Variants in ASB3 observed in about 807,000 individuals in gnomAD.
ASB3 encodes the protein ankyrin repeat and SOCS box containing 3, also known as ankyrin repeat and SOCS box protein 3.
In ASB3, 41 loss-of-function variants were observed where a neutral mutation model predicts 54.5. The observed-to-expected ratio is 0.75, with a 90% CI of 0.59 to 0.98. The LOEUF is 0.98. ASB3 is among the 50% of genes least tolerant of loss of function. ASB3 has a pLI of 0.00. For missense variants in ASB3, 733 were observed against 620.0 expected, an observed-to-expected ratio of 1.18 and a Z score of -1.94; for synonymous variants, 266 against 221.2, an observed-to-expected ratio of 1.20 and a Z score of -1.80.
chr2:53,689,909 T>C (rs1572848318), intron 9 of ASB3, among the ~76,000 whole-genome samples: 1 of 152,262 alleles, frequency 6.6e-6, no homozygotes, highest in South Asian at 2.1e-4. Context: ...GTAGTATAAC[T>C]TTGAACTCAT....
chr2:53,783,840 C>T, intron 1 of ASB3, among the ~76,000 whole-genome samples: 1 of 152,102 alleles, frequency 6.6e-6, no homozygotes, highest in East Asian at 1.9e-4. Flanking sequence ...AAAAAAATTG[C>T]TTGAAATTAG....
intron 2 of ASB3, among the ~76,000 whole-genome samples, chr2:53,760,244 T>C (rs191611861): frequency 6.1e-4 from 93 of 152,144 alleles, no homozygotes; most frequent in Non-Finnish European, 1.0e-3. Flanking sequence ...TAACTCTCCA[T>C]GCCCATGCAA....
chr2:53,671,594 T>A (rs1265047363), intron 9 of ASB3, among the ~76,000 whole-genome samples: 1 of 152,050 alleles, frequency 6.6e-6, no homozygotes, highest in Non-Finnish European at 1.5e-5. Context: ...ACAACGTCTC[T>A]ACTAAAAATA....
rs938313762 is a variant in ASB3 at position 53,726,987 on chromosome 2, T to A, written c.604+1725A>T. ...ACTGACCCAGGCTAAACACTAATAATTGAAACTTATGGGACTGCAAGTCAT... is the reference window on the plus strand; with the variant it reads ...ACTGACCCAGGCTAAACACTAATAAATGAAACTTATGGGACTGCAAGTCAT... On this transcript the variant is annotated intron_variant, in intron 5 of 9. Coordinates refer to ENST00000263634, the MANE Select transcript of ASB3 (RefSeq NM_016115.5). 7.2e-5 allele frequency among the ~76,000 whole-genome samples: 11 copies of A among 152,200 alleles called. 1 individual carries two copies. The highest frequency in any genetic ancestry group is 2.4e-4 in the African/African-American group (10 of 41,532).
At chr2:53,738,323 G>C (rs1671754249) in intron 3 of ASB3, among the ~76,000 whole-genome samples, 1 of 152,156 alleles carries the variant, frequency 6.6e-6, no homozygotes, top group Non-Finnish European at 1.5e-5. Context: ...AAATAAAACA[G>C]GACTACTGTT....
intron 3 of ASB3, among the ~76,000 whole-genome samples, chr2:53,733,891 T>C (rs897985322): frequency 1.4e-4 from 22 of 152,226 alleles, no homozygotes; most frequent in African/African-American, 5.1e-4. Flanking sequence ...GTGATAAGCA[T>C]TGTTTCTACA....
intron 2 of ASB3, among the ~76,000 whole-genome samples, chr2:53,753,810 A>AT (rs200263926): frequency 0.074 from 10,979 of 148,022 alleles, 448 homozygotes; most frequent in African/African-American, 0.12. Context: ...AATTTTTTGT[A>AT]TTTTTTTTTT....
Position 53,722,156 on chromosome 2 carries a change from T to C in ASB3, c.605-5413A>G, listed in dbSNP as rs72901244. 9.6e-3 allele frequency among the ~76,000 whole-genome samples: 1,442 copies of C among 150,836 alleles called. 33 individuals are homozygous for C. Among genetic ancestry groups the C allele is most frequent in the African/African-American group, 0.033 (1,363 of 41,188 alleles). ...GAAATTGAAATAGACCAATATCAAG[T>C]TCCAAAACTGAATCCATAATAAAAA... On this transcript the variant is annotated intron_variant, in intron 5 of 9. Transcript: ENST00000263634.
intron 9 of ASB3, among the ~76,000 whole-genome samples, chr2:53,686,576 T>A (rs1218680300): frequency 6.6e-6 from 1 of 152,088 alleles, no homozygotes; most frequent in Non-Finnish European, 1.5e-5. Flanking sequence ...CTAGTAAATA[T>A]CCTACAGTGA....
chr2:53,692,793 G>A (rs1668983920), intron 9 of ASB3, among the ~76,000 whole-genome samples: 1 of 152,104 alleles, frequency 6.6e-6, no homozygotes, highest in Admixed American at 6.6e-5. Context: ...GTTCTCTACT[G>A]CTGCAGATAC....
intron 5 of ASB3, among the ~76,000 whole-genome samples, chr2:53,720,804 C>T (rs1312506440): frequency 6.6e-6 from 1 of 152,116 alleles, no homozygotes; most frequent in Admixed American, 6.6e-5. Flanking sequence ...GCACATATAA[C>T]ATACTCCAAG....
At chr2:53,737,603 G>C (rs933406452) in intron 3 of ASB3, among the ~76,000 whole-genome samples, 1 of 151,852 alleles carries the variant, frequency 6.6e-6, no homozygotes, top group Non-Finnish European at 1.5e-5. Context: ...GGCTAAGTCA[G>C]AGTGATGAGA....
intron 3 of ASB3, among the ~76,000 whole-genome samples, chr2:53,741,390 A>C (rs979215744): frequency 6.6e-6 from 1 of 152,262 alleles, no homozygotes; most frequent in South Asian, 2.1e-4. Context: ...ATCAGTCCTC[A>C]ACAAGGTAAG....
At chr2:53,768,551 C>T (rs1673664019) in intron 1 of ASB3, among the ~76,000 whole-genome samples, 1 of 152,180 alleles carries the variant, frequency 6.6e-6, no homozygotes, top group Non-Finnish European at 1.5e-5. Context: ...CACAGGATTG[C>T]AGAATGAGTT....
intron 1 of ASB3, chr2:53,786,488 T>C (rs1320868934): frequency 6.6e-6 from 1 of 152,128 alleles, no homozygotes; most frequent in Non-Finnish European, 1.5e-5. Flanking sequence ...CTGAACAAAC[T>C]GCCCTGCGTT....
intron 1 of ASB3, chr2:53,768,270 C>G: frequency 4.4e-6 from 2 of 452,502 alleles, no homozygotes; most frequent in South Asian, 7.2e-5. Flanking sequence ...AGCGCGGGCA[C>G]AGGCGCACGA....
At chr2:53,705,886 T>A (rs953105187) in intron 7 of ASB3, among the ~76,000 whole-genome samples, 1 of 152,192 alleles carries the variant, frequency 6.6e-6, no homozygotes, top group Non-Finnish European at 1.5e-5. Context: ...AGGGACAGTA[T>A]GAAAATATGA....
chr2:53,764,186 A>C (rs959913726), intron 2 of ASB3, among the ~76,000 whole-genome samples: 5 of 152,210 alleles, frequency 3.3e-5, no homozygotes, highest in Admixed American at 2.0e-4. Context: ...GGTGATGACA[A>C]GTATGCAGGA....
At chr2:53,774,767 A>G (rs899008419) in intron 1 of ASB3, 18 of 341,704 alleles carry the variant, frequency 5.3e-5, no homozygotes, top group Non-Finnish European at 9.4e-5. Context: ...TGAGTTCTTT[A>G]GAAAAATACA....
Sources: gnomAD v4.1 joint callset for allele counts (sites outside exome capture counted in the v4.1 genomes callset) on GRCh38, gnomAD v4.1.1 for gene constraint, MANE v1.5 for transcripts, NCBI Gene and HGNC (gene_info 2026-07-23, HGNC 2026-07-21) for gene names.